CEP192: variants seen among roughly 807,000 people sequenced by gnomAD.
CEP192 encodes the protein centrosomal protein 192.
A neutral mutation model predicts 271.8 loss-of-function variants in CEP192; 151 were observed. That is an observed-to-expected ratio of 0.56 (90% CI 0.49 to 0.64). CEP192 has a LOEUF of 0.64. Ranked by LOEUF, CEP192 falls within the 30% of genes least tolerant of loss-of-function variation. The probability of loss-of-function intolerance (pLI) is 0.00; values close to 1 mark genes in which losing one functional copy is unlikely to be tolerated. For missense variants in CEP192, 2,910 were observed against 3,020.5 expected (o/e 0.96, Z 0.86); for synonymous variants, 995 against 1,076.5 (o/e 0.92, Z 1.48).
At chr18:13,044,908 T>C (rs1032861006) in intron 15 of CEP192, among the ~76,000 whole-genome samples, 4 of 152,200 alleles carry the variant, frequency 2.6e-5, no homozygotes, top group African/African-American at 9.6e-5. Flanking sequence ...ATTCTTTATC[T>C]AATGCCTTTA....
chr18:13,103,564 A>G lies in CEP192; in HGVS notation c.6927A>G (p.Ser2309=). 6.2e-7 allele frequency: 1 copy of G among 1,613,928 alleles called. No individual in the cohort carries two copies. The highest frequency in any genetic ancestry group is 8.5e-7 in the Non-Finnish European group (1 of 1,179,818). Residue 2309 remains serine, a synonymous_variant, in exon 39 of 45, where the codon TCA becomes TCG. Transcript: ENST00000506447. ...CCACAGACGTGAAATGGCATCTGTC[A>G]TCTTTAGCGCCACCTTATGTCAAGG... ...HGTTDVKWHL[S]SLAPPYVKGV...
chr18:13,073,926 CAA>C (rs1319004533), intron 30 of CEP192, among the ~76,000 whole-genome samples: 32 of 152,286 alleles, frequency 2.1e-4, no homozygotes, highest in African/African-American at 7.2e-4. Flanking sequence ...AGCTCCAAGA[CAA>C]GAGTTTTTAT....
intron 30 of CEP192, among the ~76,000 whole-genome samples, chr18:13,080,885 A>G (rs2038567065): frequency 1.3e-5 from 2 of 152,154 alleles, no homozygotes; most frequent in South Asian, 4.1e-4. Context: ...TTCTGCATCT[A>G]TTGATATAAT....
intron 1 of CEP192, among the ~76,000 whole-genome samples, chr18:12,996,572 C>T (rs74643174): frequency 0.041 from 6,217 of 152,078 alleles, 191 homozygotes; most frequent in Non-Finnish European, 0.061. Flanking sequence ...GGCAATCACC[C>T]AGAGAGGGTG....
intron 32 of CEP192, chr18:13,088,995 T>A (rs1163789014): frequency 2.7e-6 from 1 of 371,346 alleles, no homozygotes; most frequent in South Asian, 2.1e-5. Context: ...AGTAGTGAGA[T>A]TTTTTTTGTG....
At chr18:13,034,037 T>C (rs1174409549) in intron 11 of CEP192, among the ~76,000 whole-genome samples, 2 of 152,228 alleles carry the variant, frequency 1.3e-5, no homozygotes, top group African/African-American at 4.8e-5. Flanking sequence ...TTTCAGTATA[T>C]ACCCTTGTAA....
At chr18:13,114,739 T>C (rs1029718003) in intron 42 of CEP192, among the ~76,000 whole-genome samples, 2 of 152,216 alleles carry the variant, frequency 1.3e-5, no homozygotes, top group African/African-American at 4.8e-5. Context: ...TTCGTTACTT[T>C]TTAGTAAAAA....
chr18:13,069,617 A>G (rs2037900420), intron 26 of CEP192, 121 bp from the exon 27 acceptor site: 1 of 680,920 alleles, frequency 1.5e-6, no homozygotes, highest in African/African-American at 1.8e-5. Context: ...ACCGTGACAG[A>G]CAAGAAGGGG....
At chr18:13,076,936 A>G (rs1236798680) in intron 30 of CEP192, among the ~76,000 whole-genome samples, 1 of 152,050 alleles carries the variant, frequency 6.6e-6, no homozygotes, top group Non-Finnish European at 1.5e-5. Context: ...GGCACCCGTC[A>G]CCACACCCGG....
chr18:13,041,609 T>A (rs2143814199), intron 14 of CEP192, among the ~76,000 whole-genome samples: 1 of 150,750 alleles, frequency 6.6e-6, no homozygotes, highest in South Asian at 2.1e-4. Flanking sequence ...ACAGAGTCTC[T>A]CTCTGTCACA....
chr18:13,048,477 A>C (rs939663578), intron 15 of CEP192, among the ~76,000 whole-genome samples: 62 of 152,224 alleles, frequency 4.1e-4, no homozygotes, highest in African/African-American at 1.3e-3. Context: ...GCTTCCTTCA[A>C]GTGAAAAGAG....
At chr18:13,019,582 T>A (rs927588224) in intron 9 of CEP192, among the ~76,000 whole-genome samples, 2 of 152,154 alleles carry the variant, frequency 1.3e-5, no homozygotes, top group Admixed American at 1.3e-4. Flanking sequence ...TGGTAGTCAT[T>A]TCTGACTCAT....
At chr18:13,067,985 T>C (rs945156408) in intron 22 of CEP192, 29 bp downstream of exon 22, 1 of 1,602,068 alleles carries the variant, frequency 6.2e-7, no homozygotes, top group African/African-American at 1.3e-5. Flanking sequence ...TAAGAAACCA[T>C]TTACAGAATG....
chr18:13,009,681 A>G (rs2034213436), intron 4 of CEP192, among the ~76,000 whole-genome samples: 1 of 152,106 alleles, frequency 6.6e-6, no homozygotes, highest in Non-Finnish European at 1.5e-5. Flanking sequence ...AAAAATACAA[A>G]AATTAGCCAG....
chr18:13,024,395 C>A, intron 9 of CEP192: 4 of 450,596 alleles, frequency 8.9e-6, no homozygotes, highest in South Asian at 6.3e-5. Flanking sequence ...TTGTAGACGT[C>A]ATATACTTAG....
At chr18:13,028,810 G>T (rs2035454467) in intron 9 of CEP192, among the ~76,000 whole-genome samples, 1 of 152,206 alleles carries the variant, frequency 6.6e-6, no homozygotes, top group African/African-American at 2.4e-5. Flanking sequence ...GTGAGCTACT[G>T]CGCCTGGCCT....
At chr18:13,003,163 T>C (rs922049874) in intron 3 of CEP192, among the ~76,000 whole-genome samples, 2 of 152,130 alleles carry the variant, frequency 1.3e-5, no homozygotes, top group Non-Finnish European at 2.9e-5. Context: ...ACATAAGATA[T>C]GAGCCAAGGG....
At chr18:12,998,887 C>T (rs2033429463) in intron 1 of CEP192, among the ~76,000 whole-genome samples, 1 of 152,192 alleles carries the variant, frequency 6.6e-6, no homozygotes, top group African/African-American at 2.4e-5. Context: ...CCTTTTACCA[C>T]TTTTACCTTG....
At chr18:12,998,724 ATTTCC>A (rs2033418743) in intron 1 of CEP192, among the ~76,000 whole-genome samples, 1 of 151,692 alleles carries the variant, frequency 6.6e-6, no homozygotes, top group Non-Finnish European at 1.5e-5. Context: ...TTCTGCCATT[ATTTCC>A]TTTACTGATT....
Sources: gnomAD v4.1 joint callset for allele counts (sites outside exome capture counted in the v4.1 genomes callset) on GRCh38, gnomAD v4.1.1 for gene constraint, MANE v1.5 for transcripts, NCBI Gene and HGNC (gene_info 2026-07-23, HGNC 2026-07-21) for gene names.